Variants in DENND6B observed in about 807,000 individuals in gnomAD.
DENND6B encodes DENN domain containing 6B, also known as protein DENND6B.
A neutral mutation model predicts 85.1 loss-of-function variants in DENND6B; 73 were observed. That is an observed-to-expected ratio of 0.86 (90% CI 0.71 to 1.04). The LOEUF is 1.04. Among genes scored for constraint, DENND6B ranks in the 50% least tolerant of loss-of-function variants. The probability of loss-of-function intolerance (pLI) is 0.00; values close to 1 mark genes in which losing one functional copy is unlikely to be tolerated. For synonymous variants in DENND6B, 357 were observed against 329.3 expected (o/e 1.08, Z -0.91); for missense variants, 715 against 785.8 (o/e 0.91, Z 1.08).
At chr22:50,313,352 C>A in intron 16 of DENND6B, 94 bp downstream of exon 16, 1 of 1,446,708 alleles carries the variant, frequency 6.9e-7, no homozygotes, top group Non-Finnish European at 9.2e-7. Flanking sequence ...GGCTCCTGCC[C>A]AGCCACAGCC....
At position 50,312,119 on chromosome 22, in the gene DENND6B, C is replaced by T. The variant is rs777739617; in HGVS notation, c.*20G>A. On this transcript the variant is annotated 3_prime_UTR_variant, in exon 20 of 20. Transcript: ENST00000413817. ...CTCAGGCAGACCTAGGGCCCTGGGACCGTGGCCCTTGGCTTTGTTCTAGGG... is the reference window on the plus strand; with the variant it reads ...CTCAGGCAGACCTAGGGCCCTGGGATCGTGGCCCTTGGCTTTGTTCTAGGG... 6.2e-7 allele frequency: 1 copy of T among 1,610,776 alleles called. No homozygotes were observed. The highest frequency in any genetic ancestry group is 1.1e-5 in the South Asian group (1 of 90,910).
At position 50,321,385 on chromosome 22, in the gene DENND6B, G is replaced by A. The variant is rs190362153; in HGVS notation, c.178-2382C>T. ...TTTTTATTTATTTATTTTTTGAGAC[G>A]GGGTCTTGCTCTGTCACCAGGCTGG... On this transcript the variant is annotated intron_variant, in intron 1 of 19. Transcript: ENST00000413817. Among the ~76,000 whole-genome samples the A allele has an allele frequency of 1.4e-4, 21 of 152,018 alleles. No individual in the cohort carries two copies. The East Asian group carries it at 3.9e-3, about 28-fold the overall frequency.
At position 50,312,103 on chromosome 22, in the gene DENND6B, A is replaced by G. The variant is rs1477113408; in HGVS notation, c.*36T>C. The G allele has an allele frequency of 1.9e-6, 3 of 1,606,886 alleles. No individual in the cohort carries two copies. The African/African-American group carries it at 4.0e-5, about 21-fold the overall frequency. On this transcript the variant is annotated 3_prime_UTR_variant, in exon 20 of 20. Coordinates refer to ENST00000413817, the MANE Select transcript of DENND6B (RefSeq NM_001001794.4). ...ACTGGGGAGTGGGAGGCTCAGGCAGACCTAGGGCCCTGGGACCGTGGCCCT... is the reference window on the plus strand; with the variant it reads ...ACTGGGGAGTGGGAGGCTCAGGCAGGCCTAGGGCCCTGGGACCGTGGCCCT...
intron 1 of DENND6B, among the ~76,000 whole-genome samples, chr22:50,319,659 T>G (rs2147784794): frequency 6.6e-6 from 1 of 152,234 alleles, no homozygotes; most frequent in South Asian, 2.1e-4. Flanking sequence ...TCCAGCTCCC[T>G]CACCACCCGC....
chr22:50,324,858 C>G (rs375752349), intron 1 of DENND6B, among the ~76,000 whole-genome samples: 14 of 152,338 alleles, frequency 9.2e-5, no homozygotes, highest in African/African-American at 3.4e-4. Context: ...ACTTATTTAC[C>G]TAAGCCCATT....
chr22:50,313,443 C>A lies in DENND6B; in HGVS notation c.1347+3G>T. The A allele has an allele frequency of 2.0e-6, 3 of 1,537,912 alleles. No individual in the cohort carries two copies. The highest frequency in any genetic ancestry group is 2.4e-5 in the East Asian group (1 of 41,504). ...CCCCACAAAACCCCCACAGGACCCC[C>A]ACCTTCCAGGGCGTGATGCTCTTCT... On this transcript the variant is annotated splice_donor_region_variant and intron_variant, in intron 16 of 19. Coordinates refer to ENST00000413817, the MANE Select transcript of DENND6B (RefSeq NM_001001794.4).
intron 13 of DENND6B, 38 bp from the exon 14 acceptor site, chr22:50,313,916 G>T: frequency 6.3e-7 from 1 of 1,575,696 alleles, no homozygotes. Flanking sequence ...ACCCTTCAAG[G>T]GCCTCCCTCC....
At chr22:50,325,384 C>CTGGA (rs2042162645) in intron 1 of DENND6B, among the ~76,000 whole-genome samples, 1 of 141,286 alleles carries the variant, frequency 7.1e-6, no homozygotes, top group Non-Finnish European at 1.5e-5. Context: ...GTCGCCCAAG[C>CTGGA]TGGAGCGCAA....
At position 50,326,819 on chromosome 22, in the gene DENND6B, G is replaced by A; in HGVS notation, c.170C>T (p.Ala57Val). The change falls in exon 1 of 20, where the codon GCG (alanine) becomes GTG (valine). Residue 57 changes from alanine to valine, a missense_variant. Coordinates refer to ENST00000413817, the MANE Select transcript of DENND6B (RefSeq NM_001001794.4). The part of the protein sequence containing the change: ...VVTFDLELGQ[A>V]LELVYPNDFR... ...GCGCTCGCGCCCGCTCACCTCCAGCGCCTGGCCCAGCTCCAGGTCGAAGGT... is the reference window on the plus strand; with the variant it reads ...GCGCTCGCGCCCGCTCACCTCCAGCACCTGGCCCAGCTCCAGGTCGAAGGT... 2 of 1,418,882 alleles carry A rather than the reference G, an allele frequency of 1.4e-6. No homozygotes were observed. The highest frequency in any genetic ancestry group is 3.0e-5 in the Admixed American group (1 of 33,766). 87.9% of individuals were successfully genotyped at this position (1,418,882 alleles called of 1,614,324 possible). A position where few individuals can be genotyped will look rare whatever the true frequency, so the allele number is the denominator to read the frequency against.
intron 16 of DENND6B, 56 bp downstream of exon 16, chr22:50,313,390 G>A (rs1037211345): frequency 5.3e-6 from 8 of 1,517,866 alleles, no homozygotes; most frequent in African/African-American, 1.4e-5. Context: ...CCTCCTCCGG[G>A]TGAGGAAGGG....
intron 13 of DENND6B, 61 bp from the exon 14 acceptor site, chr22:50,313,939 G>C: frequency 6.6e-7 from 1 of 1,525,616 alleles, no homozygotes; most frequent in Non-Finnish European, 8.8e-7. Context: ...CACTCCTGCA[G>C]CCCCACAGAG....
Position 50,316,061 on chromosome 22 carries a change from C to T in DENND6B, c.666G>A (p.Lys222=). The T allele has an allele frequency of 6.2e-7, 1 of 1,612,750 alleles. No individual in the cohort carries two copies. The highest frequency in any genetic ancestry group is 8.5e-7 in the Non-Finnish European group (1 of 1,179,864). The change falls in exon 8 of 20, where the codon AAG becomes AAA. Residue 222 remains lysine, a synonymous_variant. Coordinates refer to ENST00000413817, the MANE Select transcript of DENND6B (RefSeq NM_001001794.4). ...ACTGCTTCGGAGGACTGGACTCGGA[C>T]TTGTCCACCCTGGATGGGATGCGCA... ...VQVRIPSRVD[K]SESSPPKQFD...
Position 50,310,965 on chromosome 22 carries a change from G to C in DENND6B, c.*1174C>G, listed in dbSNP as rs983106148. 1 of 152,142 alleles carries C rather than the reference G, an allele frequency of 6.6e-6. No homozygotes were observed. The highest frequency in any genetic ancestry group is 2.4e-5 in the African/African-American group (1 of 41,346). The allele number at this position is 152,142 out of a possible 1,614,324, so 9.4% of individuals were successfully genotyped here. On this transcript the variant is annotated 3_prime_UTR_variant, in exon 20 of 20. Transcript: ENST00000413817. ...TTTCAAAAAGAAAAAAAAAGAAAAA[G>C]TCCCTCCCCCAGCCCTGTGTCCCCT...
chr22:50,315,736 C>G lies in DENND6B; in HGVS notation c.736G>C (p.Val246Leu). 6.4e-7 allele frequency: 1 copy of G among 1,557,220 alleles called. No individual in the cohort carries two copies. The highest frequency in any genetic ancestry group is 8.7e-7 in the Non-Finnish European group (1 of 1,152,366). Residue 246 changes from valine to leucine, a missense_variant, in exon 9 of 20, where the codon GTC becomes CTC. Transcript: ENST00000413817. ...CACCTGAACAGGTCCAGCTCGTGGA[C>G]GCTAGCAAGAACCACTGGGGCTGGC... is the stretch of plus-strand genomic sequence containing the variant. ...LLPAPVVLAS[V>L]HELDLFRCFR... is the part of the protein sequence containing the mutation.
chr22:50,318,053 G>T, intron 3 of DENND6B, 33 bp from the exon 4 acceptor site: 1 of 1,606,202 alleles, frequency 6.2e-7, no homozygotes, highest in Non-Finnish European at 8.5e-7. Context: ...CACGGGTCAA[G>T]GCCGGGAGCC....
Position 50,314,108 on chromosome 22 carries a change from CA to C in DENND6B, c.1138+98del, listed in dbSNP as rs551514259. ...CTGCTGCTGAGTCCTGGAAGAGGAT[CA>C]GGGGTCTGGGGGCCTGGCTGCCCCA... On this transcript the variant is annotated intron_variant, in intron 13 of 19. Transcript: ENST00000413817. 9,271 of 1,415,144 alleles carry C rather than the reference CA, an allele frequency of 6.6e-3. 40 individuals are homozygous for C. The highest frequency in any genetic ancestry group is 7.3e-3 in the Non-Finnish European group (7,748 of 1,065,918). The allele number at this position is 1,415,144 out of a possible 1,614,324, so 87.7% of individuals were successfully genotyped here. A position where few individuals can be genotyped will look rare whatever the true frequency, so the allele number is the denominator to read the frequency against.
chr22:50,317,197 G>A (rs2041878565), intron 5 of DENND6B, 96 bp downstream of exon 5: 1 of 1,366,040 alleles, frequency 7.3e-7, no homozygotes, highest in Admixed American at 1.9e-5. Context: ...GGGCACTGCT[G>A]GAGGCTCAGG....
rs1256789167 is a variant in DENND6B at position 50,316,024 on chromosome 22, C to T, written c.702+1G>A. ...AGCTCCACCTCCGCCTCAGCTCCCA[C>T]CTCTTGGTCAAACTGCTTCGGAGGA... On this transcript the variant is annotated splice_donor_variant, in intron 8 of 19. Coordinates refer to ENST00000413817, the MANE Select transcript of DENND6B (RefSeq NM_001001794.4). LOFTEE classifies it high-confidence loss of function. The T allele has an allele frequency of 4.3e-6, 7 of 1,612,646 alleles. No homozygotes were observed. The highest frequency in any genetic ancestry group is 5.9e-6 in the Non-Finnish European group (7 of 1,179,810).
chr22:50,316,226 G>A lies in DENND6B; in HGVS notation c.587C>T (p.Ala196Val), dbSNP rs749511894. 1.1e-5 allele frequency: 17 copies of A among 1,609,262 alleles called. No individual in the cohort carries two copies. The highest frequency in any genetic ancestry group is 1.3e-5 in the African/African-American group (1 of 74,986). The change falls in exon 7 of 20, where the codon GCG becomes GTG. Residue 196 changes from alanine (A) to valine (V), a missense_variant. Physicochemically the swap from Ala to Val is moderately conservative, Grantham distance 64 (BLOSUM62 0). Transcript: ENST00000413817. Reference protein sequence around the residue: ...AVCSEIDQWPAPAPGQTLNLP... With the variant: ...AVCSEIDQWPVPAPGQTLNLP... ...GTTCAGGGTCTGCCCAGGTGCAGGC[G>A]CCGGCCACTGGTCGATCTCACTGCA...
Sources: allele counts gnomAD v4.1 joint callset (sites outside exome capture counted in the v4.1 genomes callset), GRCh38; gene constraint gnomAD v4.1.1; transcripts MANE v1.5; gene names NCBI Gene and HGNC (gene_info 2026-07-23, HGNC 2026-07-21).